The following GPC6 variants were observed in gnomAD, a reference collection of about 807,000 sequenced individuals.
GPC6 encodes glypican 6.
Under a neutral mutation model 55.2 loss-of-function variants are expected in GPC6, and 14 were observed. The ratio of observed to expected loss-of-function variants is 0.25; its 90% CI spans 0.17 to 0.40. The LOEUF (loss-of-function observed/expected upper bound fraction) is 0.40. Among genes scored for constraint, GPC6 ranks in the 10% least tolerant of loss-of-function variants. GPC6 has a pLI of 1.00. For missense variants in GPC6, 641 were observed against 708.5 expected (o/e 0.90, Z 1.08); for synonymous variants, 278 against 259.6 (o/e 1.07, Z -0.68).
intron 3 of GPC6, among the ~76,000 whole-genome samples, chr13:93,977,755 A>C (rs948917637): frequency 2.6e-5 from 4 of 152,082 alleles, no homozygotes; most frequent in Non-Finnish European, 5.9e-5. Context: ...TCTTTGTCCT[A>C]CCTAAGGACT....
chr13:93,999,647 T>C (rs536307764), intron 3 of GPC6, among the ~76,000 whole-genome samples: 2 of 152,346 alleles, frequency 1.3e-5, no homozygotes, highest in South Asian at 4.1e-4. Flanking sequence ...GACTGAATAG[T>C]ATTCCATTGT....
chr13:93,946,090 G>A (rs567084808), intron 3 of GPC6, among the ~76,000 whole-genome samples: 20 of 152,160 alleles, frequency 1.3e-4, no homozygotes, highest in East Asian at 3.9e-4. Context: ...AGCATTTGCC[G>A]ATCTCCACAG....
At chr13:94,152,310 GGA>G (rs1887769846) in intron 4 of GPC6, among the ~76,000 whole-genome samples, 1 of 152,138 alleles carries the variant, frequency 6.6e-6, no homozygotes, top group African/African-American at 2.4e-5. Flanking sequence ...GATTGGATTT[GGA>G]GACATATAAC....
At chr13:93,297,924 A>T (rs750314406) in intron 1 of GPC6, among the ~76,000 whole-genome samples, 1 of 152,194 alleles carries the variant, frequency 6.6e-6, no homozygotes. Flanking sequence ...TCCCAAAAGC[A>T]ATCCCTCTGT....
At chr13:93,475,237 C>T (rs574201833) in intron 1 of GPC6, among the ~76,000 whole-genome samples, 2 of 152,262 alleles carry the variant, frequency 1.3e-5, no homozygotes, top group East Asian at 3.9e-4. Context: ...AAAGCAAGAA[C>T]ACCTCTATTT....
intron 3 of GPC6, among the ~76,000 whole-genome samples, chr13:93,942,329 A>G (rs568197622): frequency 1.3e-4 from 20 of 152,246 alleles, no homozygotes; most frequent in African/African-American, 4.6e-4. Context: ...ATAGCAGTCA[A>G]GCGTCATCTA....
chr13:94,324,978 G>A (rs779331502), intron 6 of GPC6, among the ~76,000 whole-genome samples: 19 of 152,104 alleles, frequency 1.2e-4, no homozygotes, highest in Admixed American at 5.2e-4. Context: ...GTTCCCAGGG[G>A]CCTAACGTTA....
At chr13:93,317,888 A>G (rs1435310121) in intron 1 of GPC6, among the ~76,000 whole-genome samples, 1 of 152,120 alleles carries the variant, frequency 6.6e-6, no homozygotes, top group Admixed American at 6.6e-5. Flanking sequence ...AGCACTTTGG[A>G]AGAGATATTT....
intron 3 of GPC6, among the ~76,000 whole-genome samples, chr13:93,976,044 C>A (rs1372227256): frequency 6.6e-6 from 1 of 152,070 alleles, no homozygotes; most frequent in East Asian, 1.9e-4. Context: ...ATAGTGTTAG[C>A]ATATTAAATG....
At chr13:94,198,722 G>A (rs1263425734) in intron 4 of GPC6, among the ~76,000 whole-genome samples, 1 of 152,084 alleles carries the variant, frequency 6.6e-6, no homozygotes, top group African/African-American at 2.4e-5. Context: ...ACAGCCTTCT[G>A]CCTGAACAAC....
At chr13:93,755,869 C>T (rs566074816) in intron 2 of GPC6, among the ~76,000 whole-genome samples, 1 of 152,234 alleles carries the variant, frequency 6.6e-6, no homozygotes, top group South Asian at 2.1e-4. Flanking sequence ...CTTTAAAGAA[C>T]AGAATTTTTT....
chr13:93,554,005 G>A (rs1007032787), intron 2 of GPC6, among the ~76,000 whole-genome samples: 5 of 151,266 alleles, frequency 3.3e-5, no homozygotes, highest in African/African-American at 1.2e-4. Context: ...AAAATTAGCC[G>A]GGTGTAGTGG....
chr13:94,069,016 T>TG (rs959567965), intron 4 of GPC6, among the ~76,000 whole-genome samples: 8 of 152,180 alleles, frequency 5.3e-5, no homozygotes, highest in Admixed American at 5.2e-4. Flanking sequence ...GGACTCTGTG[T>TG]GGGGGCTCCA....
chr13:93,390,108 CAG>C (rs1787970536), intron 1 of GPC6, among the ~76,000 whole-genome samples: 2 of 151,278 alleles, frequency 1.3e-5, no homozygotes, highest in Admixed American at 6.6e-5. Context: ...GGGTGACAAA[CAG>C]AGGAGGAAAA....
intron 2 of GPC6, among the ~76,000 whole-genome samples, chr13:93,550,170 C>T (rs1875067614): frequency 6.6e-6 from 1 of 151,990 alleles, no homozygotes; most frequent in Non-Finnish European, 1.5e-5. Context: ...TATTTTTTAC[C>T]TCACAAAGCC....
At chr13:94,110,062 TAAA>T (rs78404632) in intron 4 of GPC6, among the ~76,000 whole-genome samples, 4 of 84,596 alleles carry the variant, frequency 4.7e-5, no homozygotes, top group Non-Finnish European at 5.1e-5. Flanking sequence ...CACCCTGGAC[TAAA>T]AAAAAAAAAA....
intron 1 of GPC6, among the ~76,000 whole-genome samples, chr13:93,473,791 C>T (rs1879210275): frequency 6.6e-6 from 1 of 152,192 alleles, no homozygotes; most frequent in African/African-American, 2.4e-5. Context: ...CTCCCTGTGT[C>T]CTCCCCACAG....
At chr13:94,105,928 C>G (rs901214247) in intron 4 of GPC6, among the ~76,000 whole-genome samples, 2 of 151,598 alleles carry the variant, frequency 1.3e-5, no homozygotes, top group Admixed American at 6.6e-5. Context: ...GCTCCCACGA[C>G]CAAGAGTTAT....
chr13:94,089,657 C>G (rs1441607704), intron 4 of GPC6, among the ~76,000 whole-genome samples: 1 of 152,284 alleles, frequency 6.6e-6, no homozygotes, highest in East Asian at 1.9e-4. Context: ...AGAAACATGG[C>G]ACTAACTGTG....
Sources: gnomAD v4.1 joint callset for allele counts (sites outside exome capture counted in the v4.1 genomes callset) on GRCh38, gnomAD v4.1.1 for gene constraint, MANE v1.5 for transcripts, NCBI Gene and HGNC (gene_info 2026-07-23, HGNC 2026-07-21) for gene names.